The following EPHB1 variants were observed in gnomAD, a reference collection of about 807,000 sequenced individuals.
EPHB1 encodes ephrin type-B receptor 1.
A neutral mutation model predicts 94.4 loss-of-function variants in EPHB1; 30 were observed. The observed-to-expected ratio is 0.32, with a 90% confidence interval of 0.24 to 0.43. The LOEUF (loss-of-function observed/expected upper bound fraction) is 0.43. Ranked by LOEUF, EPHB1 falls within the 20% of genes least tolerant of loss-of-function variation. The pLI is 1.00. For missense variants in EPHB1, 1,055 were observed against 1,308.3 expected (o/e 0.81, Z 2.99); for synonymous variants, 522 against 489.1 (o/e 1.07, Z -0.89).
rs186075056 is a variant in EPHB1 at position 134,829,060 on chromosome 3, G to C, written c.58+33371G>C. ...TTCTCTGAGTAGATGAAGTACTGCT[G>C]TATAAATGCACTGTTTCTCAGACAT... On this transcript the variant is annotated intron_variant, in intron 1 of 15. Transcript: ENST00000398015. 3.3e-3 allele frequency among the ~76,000 whole-genome samples: 509 copies of C among 152,320 alleles called. 2 individuals carry two copies. Among genetic ancestry groups the C allele is most frequent in the Admixed American group, 9.8e-3 (150 of 15,310 alleles).
chr3:134,948,303 G>T (rs1439357704), intron 2 of EPHB1, among the ~76,000 whole-genome samples: 1 of 142,544 alleles, frequency 7.0e-6, no homozygotes. Context: ...TCATGAGACT[G>T]TTGTGTTTCA....
intron 1 of EPHB1, among the ~76,000 whole-genome samples, chr3:134,868,102 C>T (rs531510256): frequency 6.6e-6 from 1 of 152,302 alleles, no homozygotes; most frequent in East Asian, 1.9e-4. Flanking sequence ...ATACCCAATT[C>T]TACTTAAGTG....
chr3:135,016,363 A>G (rs1576318743), intron 3 of EPHB1, among the ~76,000 whole-genome samples: 1 of 152,190 alleles, frequency 6.6e-6, no homozygotes, highest in South Asian at 2.1e-4. Flanking sequence ...CTGATTCACC[A>G]TTTGCCAATA....
chr3:134,914,869 C>G (rs866853151), intron 1 of EPHB1, among the ~76,000 whole-genome samples: 1 of 152,140 alleles, frequency 6.6e-6, no homozygotes, highest in South Asian at 2.1e-4. Context: ...GGGCCACCAG[C>G]CTCTCCCAGT....
intron 12 of EPHB1, among the ~76,000 whole-genome samples, chr3:135,236,973 C>T (rs1332103560): frequency 1.3e-5 from 2 of 152,180 alleles, no homozygotes; most frequent in Non-Finnish European, 2.9e-5. Flanking sequence ...CTTCTGTAAC[C>T]TCACCGTGGC....
At position 134,795,470 on chromosome 3, in the gene EPHB1, C is replaced by G. The variant is rs1307644475; in HGVS notation, c.-162C>G. 7.6e-6 allele frequency: 5 copies of G among 653,998 alleles called. No individual in the cohort carries two copies. The East Asian group carries it at 1.5e-4, about 20-fold the overall frequency. 40.5% of individuals were successfully genotyped at this position (653,998 alleles called of 1,614,324 possible). A position where few individuals can be genotyped will look rare whatever the true frequency, so the allele number is the denominator to read the frequency against. On this transcript the variant is annotated 5_prime_UTR_variant, in exon 1 of 16. Coordinates refer to ENST00000398015, the MANE Select transcript of EPHB1 (RefSeq NM_004441.5). ...CCGCACCGCCCCACGCGCACACACT[C>G]CTGCCCACGCCCACGCAGCGCTCCG...
chr3:134,863,328 A>C (rs1441446666), intron 1 of EPHB1, among the ~76,000 whole-genome samples: 1 of 152,206 alleles, frequency 6.6e-6, no homozygotes, highest in Admixed American at 6.5e-5. Context: ...GTACACAGCC[A>C]GTGAAATATC....
chr3:135,104,304 A>T (rs2051682959), intron 3 of EPHB1, among the ~76,000 whole-genome samples: 1 of 152,256 alleles, frequency 6.6e-6, no homozygotes, highest in Non-Finnish European at 1.5e-5. Context: ...ATACAGAGAG[A>T]GGGACCGTAA....
At position 135,241,272 on chromosome 3, in the gene EPHB1, C is replaced by A. The variant is rs762374006; in HGVS notation, c.2471C>A (p.Pro824His). ...MWEVMSFGER[P>H]YWDMSNQDVI... Reference sequence around the variant, plus strand: ...GAAGTCATGTCATTTGGAGAGAGACCCTATTGGGATATGTCCAACCAAGAT... The same window carrying A: ...GAAGTCATGTCATTTGGAGAGAGACACTATTGGGATATGTCCAACCAAGAT... Residue 824 changes from proline to histidine, a missense_variant, in exon 13 of 16, where the codon CCC becomes CAC. Physicochemically the swap from Pro to His is moderately conservative, Grantham distance 77. Coordinates refer to ENST00000398015, the MANE Select transcript of EPHB1 (RefSeq NM_004441.5). 6.2e-7 allele frequency: 1 copy of A among 1,614,126 alleles called. No individual in the cohort carries two copies. Among genetic ancestry groups the A allele is most frequent in the South Asian group, 1.1e-5 (1 of 91,072 alleles).
chr3:134,832,709 C>T (rs936717253), intron 1 of EPHB1, among the ~76,000 whole-genome samples: 2 of 152,196 alleles, frequency 1.3e-5, no homozygotes, highest in African/African-American at 2.4e-5. Context: ...TTGATGTCAT[C>T]GCACTCTAAC....
rs56372452 is a variant in EPHB1 at position 135,166,038 on chromosome 3, C to G, written c.1656C>G (p.Phe552Leu). The change falls in exon 8 of 16, where the codon TTC (phenylalanine) becomes TTG (leucine). Residue 552 changes from phenylalanine (F) to leucine (L), a missense_variant. Physicochemically the swap from Phe to Leu is conservative, Grantham distance 22 (BLOSUM62 0). Coordinates refer to ENST00000398015, the MANE Select transcript of EPHB1 (RefSeq NM_004441.5). ...IAGSAAAGVV[F>L]VVSLVAISIV... is the part of the protein sequence containing the mutation. Reference sequence around the variant, plus strand: ...GCTCGGCAGCGGCCGGGGTCGTGTTCGTTGTGTCCTTGGTGGCCATCTCTA... The same window carrying G: ...GCTCGGCAGCGGCCGGGGTCGTGTTGGTTGTGTCCTTGGTGGCCATCTCTA... 4 of 1,613,842 alleles carry G rather than the reference C, an allele frequency of 2.5e-6. No homozygotes were observed. The highest frequency in any genetic ancestry group is 3.4e-6 in the Non-Finnish European group (4 of 1,179,852).
intron 3 of EPHB1, among the ~76,000 whole-genome samples, chr3:134,990,643 T>C (rs779687854): frequency 2.0e-5 from 3 of 152,260 alleles, no homozygotes; most frequent in Non-Finnish European, 2.9e-5. Flanking sequence ...CTGGGGATAC[T>C]GGGGATCTAA....
At chr3:135,232,976 C>T (rs767411485) in intron 12 of EPHB1, among the ~76,000 whole-genome samples, 1 of 152,184 alleles carries the variant, frequency 6.6e-6, no homozygotes, top group Admixed American at 6.5e-5. Context: ...CACTGGGTCT[C>T]TATTACAACA....
chr3:134,895,215 C>G (rs2038065334), intron 1 of EPHB1, among the ~76,000 whole-genome samples: 1 of 152,224 alleles, frequency 6.6e-6, no homozygotes, highest in Non-Finnish European at 1.5e-5. Context: ...CCACCTTGCT[C>G]TTTCCAGCTC....
At chr3:135,245,699 G>A (rs1263362875) in intron 13 of EPHB1, among the ~76,000 whole-genome samples, 4 of 151,354 alleles carry the variant, frequency 2.6e-5, no homozygotes, top group Non-Finnish European at 5.9e-5. Flanking sequence ...CCAGCTACTC[G>A]GGAGGCTGAG....
At chr3:134,957,437 CA>C in intron 3 of EPHB1, among the ~76,000 whole-genome samples, 1 of 152,258 alleles carries the variant, frequency 6.6e-6, no homozygotes, top group East Asian at 1.9e-4. Flanking sequence ...GAGGGGACTG[CA>C]GGAGCAGGCT....
intron 1 of EPHB1, among the ~76,000 whole-genome samples, chr3:134,921,175 C>T (rs1474698064): frequency 1.3e-5 from 2 of 152,156 alleles, no homozygotes; most frequent in Non-Finnish European, 2.9e-5. Context: ...TTTTCTTACT[C>T]TCCCATCTGC....
intron 3 of EPHB1, among the ~76,000 whole-genome samples, chr3:134,969,810 A>G (rs970502094): frequency 6.6e-5 from 10 of 152,240 alleles, no homozygotes; most frequent in South Asian, 6.2e-4. Context: ...TCATTCTGAG[A>G]TGAGGTCTTA....
chr3:134,852,872 T>G lies in EPHB1; in HGVS notation c.58+57183T>G, dbSNP rs115263885. 1.6e-3 allele frequency among the ~76,000 whole-genome samples: 242 copies of G among 151,940 alleles called. 1 individual carries two copies. The highest frequency in any genetic ancestry group is 5.7e-3 in the African/African-American group (236 of 41,432). ...ATAAGTGGAGGAGTGCTGGACCAGG[T>G]TGGGGTATCTGAGCCCTAGGGCTGA... is the stretch of plus-strand genomic sequence containing the variant. On this transcript the variant is annotated intron_variant, in intron 1 of 15. Coordinates refer to ENST00000398015, the MANE Select transcript of EPHB1 (RefSeq NM_004441.5).
Sources: allele counts gnomAD v4.1 joint callset (sites outside exome capture counted in the v4.1 genomes callset), GRCh38; gene constraint gnomAD v4.1.1; transcripts MANE v1.5; gene names NCBI Gene and HGNC (gene_info 2026-07-23, HGNC 2026-07-21).